The following STPG2 variants were observed in gnomAD, a reference collection of about 807,000 sequenced individuals.
STPG2 encodes the protein sperm-tail PG-rich repeat-containing protein 2.
A neutral mutation model predicts 54.2 loss-of-function variants in STPG2; 56 were observed. The observed-to-expected ratio is 1.03, with a 90% CI of 0.83 to 1.29. The LOEUF (loss-of-function observed/expected upper bound fraction) is 1.29. Ranked by LOEUF, STPG2 falls within the 50% of genes most tolerant of loss-of-function variation. The pLI, the probability that STPG2 is intolerant of heterozygous loss-of-function variation, is 0.00. For synonymous variants in STPG2, 200 were observed against 181.8 expected (o/e 1.10, Z -0.81); for missense variants, 596 against 544.9 (o/e 1.09, Z -0.93).
At chr4:97,527,687 C>T (rs1244203165) in intron 4 of STPG2, among the ~76,000 whole-genome samples, 2 of 151,978 alleles carry the variant, frequency 1.3e-5, no homozygotes, top group South Asian at 2.1e-4. Context: ...TAATGATTAC[C>T]ATTCTGACTG....
At chr4:97,688,167 T>C (rs993347922) in intron 10 of STPG2, among the ~76,000 whole-genome samples, 2 of 152,176 alleles carry the variant, frequency 1.3e-5, no homozygotes, top group Non-Finnish European at 2.9e-5. Context: ...ATCTGCTTTT[T>C]TTAATGTACT....
Position 97,579,389 on chromosome 4 carries a change from G to GA in STPG2, c.1321-20273dup, listed in dbSNP as rs1395616855. Among the ~76,000 whole-genome samples, 3 of 152,018 alleles carry GA rather than the reference G, an allele frequency of 2.0e-5. No homozygotes were observed. The East Asian group carries it at 5.8e-4, about 29-fold the overall frequency. On this transcript the variant is annotated intron_variant, in intron 10 of 10. Coordinates refer to ENST00000295268, the MANE Select transcript of STPG2 (RefSeq NM_174952.3). ...CTTAAAAAATTTTCTAAGCATCTTA[G>GA]AAAAAATTTAATCTCAAAATTTGAA...
At chr4:97,651,529 C>T (rs1722067756) in intron 10 of STPG2, among the ~76,000 whole-genome samples, 1 of 151,954 alleles carries the variant, frequency 6.6e-6, no homozygotes, top group Non-Finnish European at 1.5e-5. Context: ...AACTTAAATA[C>T]CTAAATGATG....
rs374892040 is a variant in STPG2, at chr4:97,869,287, T to C, written c.1045-28355A>G. ...CTAAAATTAGCTCTAAAATGCCCTC[T>C]AAAATGTCATCTTTATTTATTAATG... On this transcript the variant is annotated intron_variant, in intron 8 of 10. Coordinates refer to ENST00000295268, the MANE Select transcript of STPG2 (RefSeq NM_174952.3). 2.0e-4 allele frequency among the ~76,000 whole-genome samples: 31 copies of C among 151,752 alleles called. No homozygotes were observed. The East Asian group carries it at 2.3e-3, about 11-fold the overall frequency.
At chr4:97,855,977 G>T (rs547802778) in intron 8 of STPG2, among the ~76,000 whole-genome samples, 3 of 152,224 alleles carry the variant, frequency 2.0e-5, no homozygotes, top group Admixed American at 1.3e-4. Flanking sequence ...GATGGCTGTA[G>T]GTGTGTGGTC....
intron 4 of STPG2, among the ~76,000 whole-genome samples, chr4:97,509,972 C>T (rs909731976): frequency 2.6e-5 from 4 of 152,024 alleles, no homozygotes; most frequent in South Asian, 2.1e-4. Flanking sequence ...ACCCCTAATC[C>T]GTGGAAAAAT....
intron 3 of STPG2, among the ~76,000 whole-genome samples, chr4:98,113,312 A>G (rs762829733): frequency 2.6e-5 from 4 of 152,098 alleles, no homozygotes; most frequent in Non-Finnish European, 5.9e-5. Context: ...AGGGATGTCT[A>G]GAAATACATG....
intron 10 of STPG2, among the ~76,000 whole-genome samples, chr4:97,602,358 T>C (rs1733484923): frequency 1.3e-5 from 2 of 151,750 alleles, no homozygotes; most frequent in Admixed American, 6.6e-5. Context: ...ACTCCATCCA[T>C]CCTCCTGCTC....
intron 10 of STPG2, among the ~76,000 whole-genome samples, chr4:97,675,627 C>T (rs911187152): frequency 6.6e-6 from 1 of 151,784 alleles, no homozygotes. Flanking sequence ...GAAATTGCAG[C>T]TCTATTTTCT....
chr4:97,722,324 C>T (rs1480257099), intron 9 of STPG2, among the ~76,000 whole-genome samples: 2 of 152,104 alleles, frequency 1.3e-5, no homozygotes, highest in African/African-American at 2.4e-5. Flanking sequence ...GAGTTCTACA[C>T]TTAGATGAAA....
At chr4:97,616,754 G>A (rs1733883756) in intron 10 of STPG2, among the ~76,000 whole-genome samples, 1 of 151,958 alleles carries the variant, frequency 6.6e-6, no homozygotes, top group Non-Finnish European at 1.5e-5. Flanking sequence ...AAAAAGACTT[G>A]AAATTTGTAC....
chr4:97,888,318 G>T (rs1054333232), intron 8 of STPG2, among the ~76,000 whole-genome samples: 9 of 152,202 alleles, frequency 5.9e-5, no homozygotes, highest in Non-Finnish European at 1.3e-4. Flanking sequence ...CTCAATGCCA[G>T]CCCTTGAGAG....
intron 10 of STPG2, among the ~76,000 whole-genome samples, chr4:97,666,031 G>C (rs1459119174): frequency 6.6e-6 from 1 of 152,158 alleles, no homozygotes; most frequent in South Asian, 2.1e-4. Flanking sequence ...AGAGATGTCT[G>C]TGTCTGCAGC....
At chr4:97,629,417 G>A (rs547335819) in intron 10 of STPG2, among the ~76,000 whole-genome samples, 1 of 152,008 alleles carries the variant, frequency 6.6e-6, no homozygotes, top group African/African-American at 2.4e-5. Flanking sequence ...ACGCACTATA[G>A]GACTTCTGAT....
chr4:97,881,530 T>G (rs1730375144), intron 8 of STPG2, among the ~76,000 whole-genome samples: 1 of 152,144 alleles, frequency 6.6e-6, no homozygotes, highest in Non-Finnish European at 1.5e-5. Flanking sequence ...TTTAAAACAT[T>G]CCTATAGTCA....
chr4:97,807,292 C>T (rs1024317075), intron 9 of STPG2, among the ~76,000 whole-genome samples: 1 of 151,720 alleles, frequency 6.6e-6, no homozygotes, highest in Non-Finnish European at 1.5e-5. Context: ...CATTTTTAAT[C>T]TTTCCTTCTG....
chr4:98,128,707 T>C (rs1739901408), intron 2 of STPG2, 115 bp from the exon 3 acceptor site: 1 of 866,580 alleles, frequency 1.2e-6, no homozygotes, highest in Non-Finnish European at 1.7e-6. Context: ...ATGAGTTTCA[T>C]GATATAAAAC....
chr4:97,810,419 G>T (rs1018132124), intron 9 of STPG2, among the ~76,000 whole-genome samples: 3 of 147,342 alleles, frequency 2.0e-5, no homozygotes, highest in African/African-American at 7.6e-5. Context: ...AGCCGAGATT[G>T]CACCACTGCA....
intron 8 of STPG2, among the ~76,000 whole-genome samples, chr4:97,872,411 T>C (rs1730022811): frequency 6.6e-6 from 1 of 151,152 alleles, no homozygotes; most frequent in Non-Finnish European, 1.5e-5. Flanking sequence ...AATAAAATAA[T>C]TTAGTAAGGT....
Sources: allele counts gnomAD v4.1 joint callset (sites outside exome capture counted in the v4.1 genomes callset), GRCh38; gene constraint gnomAD v4.1.1; transcripts MANE v1.5; gene names NCBI Gene and HGNC (gene_info 2026-07-23, HGNC 2026-07-21).